Variants in VWF observed in about 807,000 individuals in gnomAD.
VWF encodes the protein von Willebrand factor, also known as Factor VIII related antigen.
In VWF, 176 loss-of-function variants were observed where a neutral mutation model predicts 308.6. The ratio of observed to expected loss-of-function variants is 0.57; its 90% CI spans 0.50 to 0.65. VWF has a LOEUF of 0.65. Ranked by LOEUF, VWF falls within the 30% of genes least tolerant of loss-of-function variation. The probability of loss-of-function intolerance (pLI) is 0.00; values close to 1 mark genes in which losing one functional copy is unlikely to be tolerated. For synonymous variants in VWF, 1,385 were observed against 1,443.4 expected, an observed-to-expected ratio of 0.96 and a Z score of 0.92; for missense variants, 3,146 against 3,648.2, an observed-to-expected ratio of 0.86 and a Z score of 3.55.
chr12:5,976,755 A>G lies in VWF; in HGVS notation c.7288-495T>C, dbSNP rs111904998. Among the ~76,000 whole-genome samples the G allele has an allele frequency of 2.5e-3, 384 of 152,326 alleles. 2 individuals are homozygous for G. The highest frequency in any genetic ancestry group is 9.0e-3 in the African/African-American group (374 of 41,576). ...ATAACAAGTAAAGACTCTGGGACACAGAGCAGGGGATATGTTTGAGAGACA... is the reference window on the plus strand; with the variant it reads ...ATAACAAGTAAAGACTCTGGGACACGGAGCAGGGGATATGTTTGAGAGACA... On this transcript the variant is annotated intron_variant, in intron 42 of 51. Transcript: ENST00000261405.
rs141590700 is a variant in VWF, at chr12:6,052,635, C to T, written c.2094G>A (p.Arg698=). 3 of 1,614,142 alleles carry T rather than the reference C, an allele frequency of 1.9e-6. No homozygotes were observed. Among genetic ancestry groups the T allele is most frequent in the African/African-American group, 1.3e-5 (1 of 74,950 alleles). Residue 698 remains arginine (R), a synonymous_variant, in exon 16 of 52, where the codon AGG becomes AGA. Coordinates refer to ENST00000261405, the MANE Select transcript of VWF (RefSeq NM_000552.5). ...ACTGGGCCTTGGGCACGCAGTCCCC[C>T]CTCTCATCCATGTAGAGCCCTGGGG... ...FCPPGLYMDE[R]GDCVPKAQCP...
At chr12:6,009,854 A>T (rs750075405) in intron 34 of VWF, among the ~76,000 whole-genome samples, 1 of 152,258 alleles carries the variant, frequency 6.6e-6, no homozygotes, top group Non-Finnish European at 1.5e-5. Context: ...GAGGATGTTA[A>T]GCTAAGTGAA....
At position 5,978,332 on chromosome 12, in the gene VWF, G is replaced by A. The variant is rs187928784; in HGVS notation, c.7288-2072C>T. ...GGCCAGAGTGCAATGGCACAATCTCGGCTCACTGCAACCTCCACCTCCCGG... is the reference window on the plus strand; with the variant it reads ...GGCCAGAGTGCAATGGCACAATCTCAGCTCACTGCAACCTCCACCTCCCGG... On this transcript the variant is annotated intron_variant, in intron 42 of 51. Coordinates refer to ENST00000261405, the MANE Select transcript of VWF (RefSeq NM_000552.5). Among the ~76,000 whole-genome samples, 36 of 152,020 alleles carry A rather than the reference G, an allele frequency of 2.4e-4. 1 individual carries two copies. Among genetic ancestry groups the A allele is most frequent in the African/African-American group, 8.4e-4 (35 of 41,462 alleles).
At chr12:6,077,676 C>T (rs984930319) in intron 6 of VWF, among the ~76,000 whole-genome samples, 1 of 152,218 alleles carries the variant, frequency 6.6e-6, no homozygotes, top group African/African-American at 2.4e-5. Context: ...AATGCCAGCA[C>T]CACGTAGGCC....
At chr12:6,036,538 T>A (rs1162291597) in intron 18 of VWF, 47 bp from the exon 19 acceptor site, 2 of 1,572,164 alleles carry the variant, frequency 1.3e-6, no homozygotes, top group Non-Finnish European at 1.7e-6. Context: ...GTGACTGATC[T>A]AAAGCCCTCC....
rs376722093 is a variant in VWF, at chr12:6,016,725, C to T, written c.5170+29G>A. On this transcript the variant is annotated intron_variant, in intron 29 of 51. Coordinates refer to ENST00000261405, the MANE Select transcript of VWF (RefSeq NM_000552.5). ...GCCACAAAAAGAGCCTCTTCGTCAC[C>T]TGCTGCTTCAGGTGCCTCGCTCACC... 43 of 1,614,238 alleles carry T rather than the reference C, an allele frequency of 2.7e-5. No homozygotes were observed. In the East Asian group the frequency reaches 6.5e-4, roughly 24 times the overall value.
intron 5 of VWF, 126 bp downstream of exon 5, chr12:6,110,248 A>G (rs1945291543): frequency 9.8e-7 from 1 of 1,015,740 alleles, no homozygotes; most frequent in African/African-American, 1.6e-5. Flanking sequence ...AAGGTTGGCA[A>G]CATAAATTGA....
Position 6,021,939 on chromosome 12 carries a change from A to T in VWF, c.3635T>A (p.Val1212Asp). The change falls in exon 27 of 52, where the codon GTC (valine) becomes GAC (aspartate). Residue 1212 changes from valine to aspartate, a missense_variant. By Grantham distance (152) the Val-to-Asp change is radical. This residue lies in a region of VWF where 853 missense variants were observed against 1,177.8 expected (regional missense o/e 0.72). Transcript: ENST00000261405. ...AGRRFASGKK[V>D]TLNPSDPEHC... ...CTCAGGGTCACTGGGATTCAAGGTGACTTTCTTTCCTGAGGCAAAACGCCG... is the reference window on the plus strand; with the variant it reads ...CTCAGGGTCACTGGGATTCAAGGTGTCTTTCTTTCCTGAGGCAAAACGCCG... 1 of 1,614,122 alleles carries T rather than the reference A, an allele frequency of 6.2e-7. No individual in the cohort carries two copies. Among genetic ancestry groups the T allele is most frequent in the African/African-American group, 1.3e-5 (1 of 75,026 alleles).
intron 49 of VWF, 25 bp from the exon 50 acceptor site, chr12:5,951,908 T>C (rs1943195633): frequency 6.2e-7 from 1 of 1,613,872 alleles, no homozygotes; most frequent in African/African-American, 1.3e-5. Context: ...AAATTTCAGG[T>C]TAGGCACAAA....
rs1944584494 is a variant in VWF at position 6,056,844 on chromosome 12, G to A, written c.1945+13C>T. ...GGGCGGCCCGGAGGGCTGCGGGCAGGGAGGGCACGCACCACAGCGGCCTGG... is the reference window on the plus strand; with the variant it reads ...GGGCGGCCCGGAGGGCTGCGGGCAGAGAGGGCACGCACCACAGCGGCCTGG... On this transcript the variant is annotated intron_variant, in intron 15 of 51. Transcript: ENST00000261405. 7.2e-7 allele frequency: 1 copy of A among 1,380,946 alleles called. No homozygotes were observed. The highest frequency in any genetic ancestry group is 1.7e-5 in the South Asian group (1 of 58,626). 85.5% of individuals were successfully genotyped at this position (1,380,946 alleles called of 1,614,324 possible). A position where few individuals can be genotyped will look rare whatever the true frequency, so the allele number is the denominator to read the frequency against.
intron 39 of VWF, 43 bp downstream of exon 39, chr12:5,985,520 C>T (rs769807673): frequency 1.3e-6 from 2 of 1,596,740 alleles, no homozygotes; most frequent in South Asian, 2.2e-5. Context: ...TTGCAGGGGC[C>T]CTTGTTCCTC....
At chr12:6,025,065 C>A (rs11609815) in intron 24 of VWF, among the ~76,000 whole-genome samples, 1 of 150,648 alleles carries the variant, frequency 6.6e-6, no homozygotes, top group Non-Finnish European at 1.5e-5. Flanking sequence ...CTTAACCTTG[C>A]GGAATTCCTC....
rs751260845 is a variant in VWF at position 6,019,439 on chromosome 12, C to A, written c.3979G>T (p.Ala1327Ser). 2 of 1,613,890 alleles carry A rather than the reference C, an allele frequency of 1.2e-6. No homozygotes were observed. Among genetic ancestry groups the A allele is most frequent in the South Asian group, 1.1e-5 (1 of 91,068 alleles). Residue 1327 changes from alanine (A) to serine (S), a missense_variant, in exon 28 of 52, where the codon GCC becomes TCC. By Grantham distance (99) the Ala-to-Ser change is moderately conservative. Coordinates refer to ENST00000261405, the MANE Select transcript of VWF (RefSeq NM_000552.5). The surrounding 1 kb of genome is among the most constrained non-coding windows in gnomAD (Gnocchi z 5.8). ...TTCCGGTCCTTGAGCCCGATGTAGG[C>A]GTGGGAGCCGTCGTGGTACTCCACC... is the stretch of plus-strand genomic sequence containing the variant. ...AVVEYHDGSH[A>S]YIGLKDRKRP...
intron 47 of VWF, among the ~76,000 whole-genome samples, chr12:5,965,471 C>G (rs770095988): frequency 6.6e-6 from 1 of 152,170 alleles, no homozygotes; most frequent in African/African-American, 2.4e-5. Flanking sequence ...CTCAGGGTTG[C>G]CCTCCTCCGG....
At chr12:6,035,746 C>T (rs537004777) in intron 19 of VWF, among the ~76,000 whole-genome samples, 32 of 152,170 alleles carry the variant, frequency 2.1e-4, no homozygotes, top group Non-Finnish European at 4.0e-4. Context: ...ACTGGTGGGG[C>T]GAGGTCCCTG....
intron 14 of VWF, among the ~76,000 whole-genome samples, chr12:6,057,466 C>G (rs1244117132): frequency 7.2e-6 from 1 of 138,344 alleles, no homozygotes; most frequent in Non-Finnish European, 1.6e-5. Context: ...GCGCGCCCCA[C>G]CACGCCCGGC....
chr12:6,027,169 C>T (rs993510433), intron 22 of VWF, among the ~76,000 whole-genome samples: 25 of 152,188 alleles, frequency 1.6e-4, no homozygotes, highest in African/African-American at 6.0e-4. Flanking sequence ...GGTATGGCTA[C>T]TGCCCCTCCC....
intron 9 of VWF, among the ~76,000 whole-genome samples, chr12:6,071,710 G>A (rs1944784764): frequency 6.6e-6 from 1 of 152,220 alleles, no homozygotes; most frequent in Admixed American, 6.5e-5. Context: ...GCCCAGAAGT[G>A]TGGTGGGCGG....
intron 16 of VWF, among the ~76,000 whole-genome samples, chr12:6,050,963 A>C (rs1425117994): frequency 6.6e-6 from 1 of 152,086 alleles, no homozygotes; most frequent in East Asian, 1.9e-4. Context: ...CTCAAAAAAA[A>C]AAAAAAGAAG....
Sources: gnomAD v4.1 joint callset for allele counts (sites outside exome capture counted in the v4.1 genomes callset) on GRCh38, gnomAD v4.1.1 for gene constraint, gnomAD v4.1.1 regional missense constraint, Gnocchi (gnomAD v3.1) non-coding constraint, MANE v1.5 for transcripts, NCBI Gene and HGNC (gene_info 2026-07-23, HGNC 2026-07-21) for gene names.